The following CNTN1 variants were observed in gnomAD, a reference collection of about 807,000 sequenced individuals.
CNTN1 encodes the protein contactin 1, also known as contactin-1.
CNTN1 carries 38 observed loss-of-function variants against 126.4 expected under a neutral mutation model. That is an observed-to-expected ratio of 0.30 (90% CI 0.23 to 0.39). The LOEUF is 0.39. Ranked by LOEUF, CNTN1 falls within the 10% of genes least tolerant of loss-of-function variation. The pLI, the probability that CNTN1 is intolerant of heterozygous loss-of-function variation, is 1.00. For synonymous variants in CNTN1, 413 were observed against 422.6 expected, an observed-to-expected ratio of 0.98 and a Z score of 0.28; for missense variants, 1,009 against 1,248.4, an observed-to-expected ratio of 0.81 and a Z score of 2.89.
chr12:40,898,175 G>T (rs551749304), intron 1 of CNTN1, among the ~76,000 whole-genome samples: 4 of 152,048 alleles, frequency 2.6e-5, no homozygotes, highest in African/African-American at 9.6e-5. Context: ...TGATGTGGGG[G>T]GTATAGAAAA....
In CNTN1 at chr12:40,908,417, T is replaced by C. The variant is rs780458541; in HGVS notation, c.-16T>C. 8.7e-6 allele frequency: 14 copies of C among 1,611,998 alleles called. No individual in the cohort carries two copies. The highest frequency in any genetic ancestry group is 1.2e-5 in the Non-Finnish European group (14 of 1,178,556). The stretch of plus-strand genomic sequence containing the variant: ...TCTTTTTTGGAAAATTGAACCGAAC[T>C]TCTACTGAATACAAGATGAAAATGT... On this transcript the variant is annotated 5_prime_UTR_variant, in exon 2 of 24. Coordinates refer to ENST00000551295, the MANE Select transcript of CNTN1 (RefSeq NM_001843.4).
chr12:40,906,115 C>CA (rs1170943310), intron 1 of CNTN1, among the ~76,000 whole-genome samples: 3 of 151,924 alleles, frequency 2.0e-5, no homozygotes, highest in African/African-American at 7.3e-5. Context: ...ACTAAAAATA[C>CA]AAAAAATTAG....
intron 16 of CNTN1, among the ~76,000 whole-genome samples, chr12:40,987,171 T>A (rs1947976600): frequency 1.3e-5 from 2 of 152,096 alleles, no homozygotes; most frequent in Admixed American, 1.3e-4. Flanking sequence ...AATCATATGG[T>A]TTTTATTTAT....
chr12:40,848,589 T>C lies in CNTN1; in HGVS notation c.-76-59768T>C, dbSNP rs892748655. Among the ~76,000 whole-genome samples the C allele has an allele frequency of 2.6e-5, 4 of 152,168 alleles. No individual in the cohort carries two copies. In the East Asian group the frequency reaches 7.7e-4, roughly 29 times the overall value. On this transcript the variant is annotated intron_variant, in intron 1 of 23. Coordinates refer to ENST00000551295, the MANE Select transcript of CNTN1 (RefSeq NM_001843.4). ...TATAATAAACAGTAATATGACCACATTCAGTTCTCTTTTAAAACGATATAG... is the reference window on the plus strand; with the variant it reads ...TATAATAAACAGTAATATGACCACACTCAGTTCTCTTTTAAAACGATATAG...
Position 40,749,581 on chromosome 12 carries a change from T to C in CNTN1, c.-77+56989T>C, listed in dbSNP as rs1045192974. Reference sequence around the variant, plus strand: ...AGAAAATGAGGAACTATCTATACAATGGTAATAGTAGTAGTTACATATGTG... The same window carrying C: ...AGAAAATGAGGAACTATCTATACAACGGTAATAGTAGTAGTTACATATGTG... On this transcript the variant is annotated intron_variant, in intron 1 of 23. Coordinates refer to ENST00000551295, the MANE Select transcript of CNTN1 (RefSeq NM_001843.4). Among the ~76,000 whole-genome samples, 4 of 96,502 alleles carry C rather than the reference T, an allele frequency of 4.1e-5. 1 individual carries two copies. The Admixed American group carries it at 4.2e-4, about 10-fold the overall frequency. The allele number at this position is 96,502 out of a possible 152,430, so 63.3% of individuals were successfully genotyped here.
chr12:40,759,538 A>G (rs1438374443), intron 1 of CNTN1, among the ~76,000 whole-genome samples: 1 of 148,994 alleles, frequency 6.7e-6, no homozygotes, highest in Non-Finnish European at 1.5e-5. Context: ...TGCTTATGGC[A>G]CACTGCATCT....
chr12:40,866,132 T>C (rs934646411), intron 1 of CNTN1, among the ~76,000 whole-genome samples: 3 of 152,084 alleles, frequency 2.0e-5, no homozygotes, highest in Non-Finnish European at 4.4e-5. Context: ...TGCAAGTATA[T>C]AGAATATGAT....
chr12:40,932,493 A>C (rs1446078085), intron 7 of CNTN1, among the ~76,000 whole-genome samples: 4 of 152,008 alleles, frequency 2.6e-5, no homozygotes, highest in Non-Finnish European at 4.4e-5. Context: ...ATGAGAACAG[A>C]CTAATATATT....
At chr12:40,831,032 T>TTACAGTATATATACTATAAATATATACAA (rs1941816039) in intron 1 of CNTN1, among the ~76,000 whole-genome samples, 2 of 141,988 alleles carry the variant, frequency 1.4e-5, no homozygotes, top group South Asian at 2.2e-4. Flanking sequence ...GTATATATAT[T>TTACAGTATATATACTATAAATATATACAA]TACAGTATAT....
chr12:40,742,020 T>C (rs1937965028), intron 1 of CNTN1, among the ~76,000 whole-genome samples: 2 of 152,074 alleles, frequency 1.3e-5, no homozygotes, highest in African/African-American at 4.8e-5. Context: ...GTTTTGTATA[T>C]ATATTCTGAA....
chr12:40,974,977 T>G (rs1266167171), intron 15 of CNTN1, among the ~76,000 whole-genome samples: 4 of 151,900 alleles, frequency 2.6e-5, no homozygotes, highest in African/African-American at 9.7e-5. Flanking sequence ...CTTGTTGTCA[T>G]CCAGGTAATT....
rs191449222 is a variant in CNTN1, at chr12:40,757,254, G to T, written c.-77+64662G>T. 9.1e-4 allele frequency among the ~76,000 whole-genome samples: 133 copies of T among 146,246 alleles called. 1 individual carries two copies. The highest frequency in any genetic ancestry group is 3.3e-3 in the African/African-American group (129 of 39,388). ...AGGCCCCACCTCCTAATGCCATCAC[G>T]TTAGGGGTGAGGGTTTCAATATTTG... On this transcript the variant is annotated intron_variant, in intron 1 of 23. Coordinates refer to ENST00000551295, the MANE Select transcript of CNTN1 (RefSeq NM_001843.4).
chr12:40,908,563 T>C, intron 2 of CNTN1, 70 bp downstream of exon 2: 2 of 1,151,788 alleles, frequency 1.7e-6, no homozygotes, highest in Non-Finnish European at 2.5e-6. Flanking sequence ...TTATTAAATG[T>C]ATTGTATGAA....
intron 1 of CNTN1, among the ~76,000 whole-genome samples, chr12:40,744,485 G>A (rs1938097259): frequency 6.6e-6 from 1 of 151,936 alleles, no homozygotes; most frequent in African/African-American, 2.4e-5. Context: ...TTTCTAGCAT[G>A]GTAGCATAAA....
At chr12:41,037,600 C>T (rs576815057) in intron 23 of CNTN1, among the ~76,000 whole-genome samples, 4 of 151,524 alleles carry the variant, frequency 2.6e-5, no homozygotes, top group African/African-American at 7.3e-5. Flanking sequence ...TAACTATAAG[C>T]CCATTTATAT....
chr12:40,829,275 A>G (rs992678324), intron 1 of CNTN1, among the ~76,000 whole-genome samples: 1 of 152,054 alleles, frequency 6.6e-6, no homozygotes, highest in Non-Finnish European at 1.5e-5. Flanking sequence ...GTGAATATAT[A>G]TACTAGTGAA....
rs563201444 is a variant in CNTN1 at position 40,754,341 on chromosome 12, A to G, written c.-77+61749A>G. The stretch of plus-strand genomic sequence containing the variant: ...AATTCACAATGTTCAAGTCCCTTTT[A>G]TGAAATGACATGGTATTTTCATATA... On this transcript the variant is annotated intron_variant, in intron 1 of 23. Transcript: ENST00000551295. Among the ~76,000 whole-genome samples, 28 of 152,228 alleles carry G rather than the reference A, an allele frequency of 1.8e-4. No homozygotes were observed. The South Asian group carries it at 5.8e-3, about 32-fold the overall frequency.
At chr12:41,007,044 GGTTTTTTTTTTTTTT>G (rs1948510915) in intron 17 of CNTN1, among the ~76,000 whole-genome samples, 2 of 123,448 alleles carry the variant, frequency 1.6e-5, no homozygotes, top group Admixed American at 8.7e-5. Context: ...AGTTTTGTGT[GGTTTTTTTTTTTTTT>G]TTTTTTTTTT....
At chr12:40,980,148 T>C (rs1313745542) in intron 15 of CNTN1, among the ~76,000 whole-genome samples, 1 of 152,158 alleles carries the variant, frequency 6.6e-6, no homozygotes, top group Non-Finnish European at 1.5e-5. Flanking sequence ...TAAGAAAGTA[T>C]GTGGGCCAGT....
Sources: gnomAD v4.1 joint callset for allele counts (sites outside exome capture counted in the v4.1 genomes callset) on GRCh38, gnomAD v4.1.1 for gene constraint, MANE v1.5 for transcripts, NCBI Gene and HGNC (gene_info 2026-07-23, HGNC 2026-07-21) for gene names.